The following CRK variants were observed in gnomAD, a reference collection of about 807,000 sequenced individuals.
The protein encoded by CRK is adapter molecule crk.
In CRK, 4 loss-of-function variants were observed where a neutral mutation model predicts 29.8. The observed-to-expected ratio is 0.13, with a 90% CI of 0.07 to 0.31. The LOEUF is 0.31. Ranked by LOEUF, CRK falls within the 10% of genes least tolerant of loss-of-function variation. The pLI is 1.00. For missense variants in CRK, 274 were observed against 396.5 expected (o/e 0.69, Z 2.62); for synonymous variants, 153 against 164.9 (o/e 0.93, Z 0.55).
chr17:1,448,393 GCCA>G, intron 1 of CRK, among the ~76,000 whole-genome samples: 2 of 152,116 alleles, frequency 1.3e-5, no homozygotes, highest in Non-Finnish European at 2.9e-5. Context: ...GGGTGGCAGA[GCCA>G]GGCAAATCAC....
rs758145321 is a variant in CRK, at chr17:1,423,576, A to G, written c.852T>C (p.Gly284=). The G allele has an allele frequency of 1.9e-6, 3 of 1,614,056 alleles. No homozygotes were observed. The Admixed American group carries it at 5.0e-5, about 27-fold the overall frequency. ...GACGGACATGTGTGAATGGGAAGTGACCTCGTTTGCCATTACACTCCCCTT... is the reference window on the plus strand; with the variant it reads ...GACGGACATGTGTGAATGGGAAGTGGCCTCGTTTGCCATTACACTCCCCTT... ...QWEGECNGKR[G]HFPFTHVRLL... is the part of the protein sequence containing the mutation. The change falls in exon 3 of 3, where the codon GGT becomes GGC. Residue 284 remains glycine, a synonymous_variant. Transcript: ENST00000300574.
chr17:1,444,001 AT>A (rs1011472711), intron 1 of CRK, among the ~76,000 whole-genome samples: 140 of 138,978 alleles, frequency 1.0e-3, no homozygotes, highest in Non-Finnish European at 7.2e-4. Flanking sequence ...CGCCTGGCCT[AT>A]TTTTTTTTTT....
intron 2 of CRK, among the ~76,000 whole-genome samples, chr17:1,435,070 C>A (rs1422038519): frequency 6.6e-6 from 1 of 151,708 alleles, no homozygotes; most frequent in Non-Finnish European, 1.5e-5. Context: ...TTTTCTTTTT[C>A]TTTTTTTGAG....
At chr17:1,452,771 CAA>C (rs998214448) in intron 1 of CRK, among the ~76,000 whole-genome samples, 7 of 140,392 alleles carry the variant, frequency 5.0e-5, no homozygotes, top group African/African-American at 1.3e-4. Context: ...GCGTGGGAGA[CAA>C]GAGTAAAAAC....
intron 2 of CRK, among the ~76,000 whole-genome samples, chr17:1,432,205 T>C (rs764171251): frequency 2.0e-5 from 3 of 152,052 alleles, no homozygotes; most frequent in African/African-American, 7.2e-5. Context: ...AAAGACAACA[T>C]AGGCCAGGCG....
At chr17:1,431,334 T>C (rs571874413) in intron 2 of CRK, among the ~76,000 whole-genome samples, 5 of 152,238 alleles carry the variant, frequency 3.3e-5, no homozygotes, top group Admixed American at 2.6e-4. Context: ...CTCCAGTAAA[T>C]GCAGTTCTTC....
chr17:1,430,879 A>G (rs774617180), intron 2 of CRK, among the ~76,000 whole-genome samples: 1 of 151,240 alleles, frequency 6.6e-6, no homozygotes, highest in African/African-American at 2.4e-5. Flanking sequence ...CATCCTGGCT[A>G]ACACGGTGAA....
intron 1 of CRK, among the ~76,000 whole-genome samples, chr17:1,454,080 C>A (rs2074038344): frequency 6.6e-6 from 1 of 151,562 alleles, no homozygotes; most frequent in South Asian, 2.1e-4. Context: ...TGATGCACAC[C>A]AGCAATCCCA....
rs562399406 is a variant in CRK at position 1,446,839 on chromosome 17, C to T, written c.241+9038G>A. ...CGATCTCCTGACCTCGTGATCCGCC[C>T]GCCTCGGCCTCCCAAAGTGCTGGGA... On this transcript the variant is annotated intron_variant, in intron 1 of 2. Transcript: ENST00000300574. Among the ~76,000 whole-genome samples the T allele has an allele frequency of 2.2e-4, 34 of 151,824 alleles. No homozygotes were observed. The East Asian group carries it at 3.7e-3, about 16-fold the overall frequency.
chr17:1,423,426 G>T lies in CRK; in HGVS notation c.*87C>A. The T allele has an allele frequency of 6.7e-7, 1 of 1,498,954 alleles. No individual in the cohort carries two copies. Among genetic ancestry groups the T allele is most frequent in the South Asian group, 1.3e-5 (1 of 76,948 alleles). 92.9% of individuals were successfully genotyped at this position (1,498,954 alleles called of 1,614,324 possible). The stretch of plus-strand genomic sequence containing the variant: ...TGCTTATATAAACTAGACTGCTTTT[G>T]ACATCTGTAAGAAAATTGTATAGAT... On this transcript the variant is annotated 3_prime_UTR_variant, in exon 3 of 3. Coordinates refer to ENST00000300574, the MANE Select transcript of CRK (RefSeq NM_016823.4).
intron 2 of CRK, among the ~76,000 whole-genome samples, chr17:1,431,281 AG>A (rs1394916199): frequency 6.6e-6 from 1 of 152,132 alleles, no homozygotes; most frequent in Non-Finnish European, 1.5e-5. Context: ...AGGAGGGCAG[AG>A]GAAGAAGGCC....
intron 1 of CRK, among the ~76,000 whole-genome samples, chr17:1,441,083 G>A (rs563033787): frequency 6.6e-6 from 1 of 152,192 alleles, no homozygotes; most frequent in Admixed American, 6.5e-5. Flanking sequence ...CTACAGGCAC[G>A]CATCACCACG....
intron 1 of CRK, among the ~76,000 whole-genome samples, chr17:1,437,565 T>C (rs964372900): frequency 6.6e-6 from 1 of 152,000 alleles, no homozygotes; most frequent in Non-Finnish European, 1.5e-5. Context: ...CTCTCATACT[T>C]GATCAACGAC....
intron 2 of CRK, among the ~76,000 whole-genome samples, chr17:1,426,757 C>A (rs1370976916): frequency 2.0e-5 from 3 of 151,746 alleles, no homozygotes; most frequent in East Asian, 1.9e-4. Context: ...CAGCTACTTG[C>A]GAGGCTGAGG....
chr17:1,431,173 C>T (rs1319421028), intron 2 of CRK, among the ~76,000 whole-genome samples: 2 of 152,174 alleles, frequency 1.3e-5, no homozygotes, highest in African/African-American at 4.8e-5. Flanking sequence ...CCCAAAGGCA[C>T]TATGATGATA....
chr17:1,427,261 C>G (rs573341357), intron 2 of CRK, among the ~76,000 whole-genome samples: 3 of 148,412 alleles, frequency 2.0e-5, no homozygotes, highest in Non-Finnish European at 4.5e-5. Flanking sequence ...GCACCCCACC[C>G]TGGTGGAGAG....
intron 1 of CRK, among the ~76,000 whole-genome samples, chr17:1,452,567 G>A (rs2074025948): frequency 6.6e-6 from 1 of 152,002 alleles, no homozygotes; most frequent in South Asian, 2.1e-4. Context: ...GTGGGTGGAT[G>A]ATCAGAGTTC....
rs1275007187 is a variant in CRK at position 1,423,054 on chromosome 17, C to CTAT, written c.*458_*459insATA. On this transcript the variant is annotated 3_prime_UTR_variant, in exon 3 of 3. Transcript: ENST00000300574. ...GCTCCATACAATGAAAGCAATCCTG[C>CTAT]TTGATACTATTCACACGGTGCATGA... 3 of 401,302 alleles carry CTAT rather than the reference C, an allele frequency of 7.5e-6. No individual in the cohort carries two copies. Among genetic ancestry groups the CTAT allele is most frequent in the Non-Finnish European group, 1.3e-5 (3 of 227,688 alleles). 24.9% of individuals were successfully genotyped at this position (401,302 alleles called of 1,614,324 possible). A position where few individuals can be genotyped will look rare whatever the true frequency, so the allele number is the denominator to read the frequency against.
chr17:1,437,960 C>A (rs1170378345), intron 1 of CRK, among the ~76,000 whole-genome samples: 1 of 151,974 alleles, frequency 6.6e-6, no homozygotes, highest in East Asian at 1.9e-4. Context: ...GCTACTGCGC[C>A]TGGCCTGCAT....
Sources: gnomAD v4.1 joint callset for allele counts (sites outside exome capture counted in the v4.1 genomes callset) on GRCh38, gnomAD v4.1.1 for gene constraint, MANE v1.5 for transcripts, NCBI Gene and HGNC (gene_info 2026-07-23, HGNC 2026-07-21) for gene names.